PAWR: variants seen among roughly 807,000 people sequenced by gnomAD.
PAWR encodes pro-apoptotic WT1 regulator.
In PAWR, 23 loss-of-function variants were observed where a neutral mutation model predicts 32.0. That is an observed-to-expected ratio of 0.72 (90% confidence interval 0.52 to 1.02). PAWR has a LOEUF of 1.02. Ranked by LOEUF, PAWR falls within the 50% of genes least tolerant of loss-of-function variation. The pLI, the probability that PAWR is intolerant of heterozygous loss-of-function variation, is 0.00. For missense variants in PAWR, 457 were observed against 437.7 expected (o/e 1.04, Z -0.39); for synonymous variants, 226 against 187.1 (o/e 1.21, Z -1.70).
At chr12:79,615,185 C>T (rs1416667052) in intron 3 of PAWR, among the ~76,000 whole-genome samples, 2 of 152,086 alleles carry the variant, frequency 1.3e-5, no homozygotes, top group Non-Finnish European at 2.9e-5. Flanking sequence ...GCCTATATCA[C>T]TTAGTTTTAT....
At chr12:79,636,165 A>C (rs1382069799) in intron 2 of PAWR, among the ~76,000 whole-genome samples, 1 of 152,174 alleles carries the variant, frequency 6.6e-6, no homozygotes, top group Non-Finnish European at 1.5e-5. Flanking sequence ...CTATTACTAC[A>C]GCTCAAAGAT....
intron 2 of PAWR, among the ~76,000 whole-genome samples, chr12:79,677,218 A>G (rs1878214247): frequency 6.6e-6 from 1 of 152,212 alleles, no homozygotes; most frequent in Non-Finnish European, 1.5e-5. Context: ...AGACATTAAG[A>G]ATAACACATC....
intron 2 of PAWR, chr12:79,688,405 T>G (rs531688022): frequency 6.6e-6 from 1 of 151,538 alleles, no homozygotes; most frequent in East Asian, 1.9e-4. Flanking sequence ...AAAATCAAGT[T>G]GAGGAATGTA....
At chr12:79,610,314 A>G (rs543612740) in intron 4 of PAWR, among the ~76,000 whole-genome samples, 10 of 152,302 alleles carry the variant, frequency 6.6e-5, no homozygotes, top group African/African-American at 2.2e-4. Context: ...AACTGTATAT[A>G]AGCAAAGGTA....
At chr12:79,594,687 A>G (rs574057205) in intron 5 of PAWR, among the ~76,000 whole-genome samples, 6 of 151,310 alleles carry the variant, frequency 4.0e-5, no homozygotes, top group Non-Finnish European at 7.4e-5. Context: ...TAATAGACTC[A>G]ATGATTTAAC....
At chr12:79,684,437 A>G (rs955094124) in intron 2 of PAWR, among the ~76,000 whole-genome samples, 1 of 151,904 alleles carries the variant, frequency 6.6e-6, no homozygotes, top group Non-Finnish European at 1.5e-5. Context: ...ATGGCGAAAC[A>G]CCATCTCTAC....
At chr12:79,596,682 T>C (rs1366297617) in intron 4 of PAWR, 24 bp from the exon 5 acceptor site, 2 of 1,505,802 alleles carry the variant, frequency 1.3e-6, no homozygotes, top group Non-Finnish European at 1.8e-6. Context: ...AACATTTTAT[T>C]AAAATCCCTA....
intron 2 of PAWR, among the ~76,000 whole-genome samples, chr12:79,656,674 T>A (rs1389522544): frequency 6.6e-6 from 1 of 152,168 alleles, no homozygotes; most frequent in African/African-American, 2.4e-5. Context: ...TATAGATTAG[T>A]AAATTCAATA....
chr12:79,616,056 C>CAA lies in PAWR; in HGVS notation c.649-2449_649-2448dup, dbSNP rs140963642. Among the ~76,000 whole-genome samples the CAA allele has an allele frequency of 8.1e-3, 583 of 72,134 alleles. 5 individuals are homozygous for CAA. The highest frequency in any genetic ancestry group is 0.017 in the African/African-American group (465 of 27,410). 47.3% of individuals were successfully genotyped at this position (72,134 alleles called of 152,430 possible). ...TGTGCAACAGAGCAAGACCCTGTCT[C>CAA]AAAAAAAAAAAAAAAAAAAAGTTTT... On this transcript the variant is annotated intron_variant, in intron 3 of 6. Transcript: ENST00000328827.
Position 79,623,946 on chromosome 12 carries a change from G to C in PAWR, c.517-2739C>G, listed in dbSNP as rs141619327. 4.1e-3 allele frequency among the ~76,000 whole-genome samples: 619 copies of C among 152,226 alleles called. 11 individuals carry two copies. Among genetic ancestry groups the C allele is most frequent in the African/African-American group, 0.014 (588 of 41,542 alleles). The stretch of plus-strand genomic sequence containing the variant: ...AAAAGGCATTTTAAATCAAGGAGTT[G>C]CTTTAAAAGGGGGAGGAGAGGTCAA... On this transcript the variant is annotated intron_variant, in intron 2 of 6. Coordinates refer to ENST00000328827, the MANE Select transcript of PAWR (RefSeq NM_002583.4).
At position 79,585,637 on chromosome 12, in the gene PAWR, T is replaced by A. The variant is rs1873365905; in HGVS notation, c.*6970A>T. The A allele has an allele frequency of 6.6e-6, 1 of 152,568 alleles. No homozygotes were observed. Among genetic ancestry groups the A allele is most frequent in the African/African-American group, 2.4e-5 (1 of 41,458 alleles). 9.5% of individuals were successfully genotyped at this position (152,568 alleles called of 1,614,324 possible). A position where few individuals can be genotyped will look rare whatever the true frequency, so the allele number is the denominator to read the frequency against. On this transcript the variant is annotated 3_prime_UTR_variant, in exon 7 of 7. Coordinates refer to ENST00000328827, the MANE Select transcript of PAWR (RefSeq NM_002583.4). ...GCTACTGAATTACTAATGAATGTTA[T>A]TATGCTATCATAAGTTATGGTTAAA...
intron 2 of PAWR, among the ~76,000 whole-genome samples, chr12:79,632,327 A>G (rs1398497875): frequency 3.2e-4 from 12 of 37,090 alleles, no homozygotes; most frequent in African/African-American, 9.1e-4. Flanking sequence ...ATATATATAT[A>G]TATATATATA....
At chr12:79,654,092 A>G (rs1876982475) in intron 2 of PAWR, among the ~76,000 whole-genome samples, 1 of 152,244 alleles carries the variant, frequency 6.6e-6, no homozygotes, top group Non-Finnish European at 1.5e-5. Context: ...TGCTGTAAAC[A>G]TGAGAGAGGA....
At chr12:79,678,196 G>T (rs2136872926) in intron 2 of PAWR, among the ~76,000 whole-genome samples, 1 of 152,256 alleles carries the variant, frequency 6.6e-6, no homozygotes, top group South Asian at 2.1e-4. Context: ...TCCTTTTAAT[G>T]ATTTCAAATT....
chr12:79,662,191 A>G (rs1880884), intron 2 of PAWR, among the ~76,000 whole-genome samples: 28,231 of 138,484 alleles, frequency 0.2, 8,606 homozygotes, highest in African/African-American at 0.69. Flanking sequence ...CAACATACTG[A>G]GACATCTCTC....
chr12:79,676,363 T>C (rs1878165986), intron 2 of PAWR, among the ~76,000 whole-genome samples: 1 of 152,180 alleles, frequency 6.6e-6, no homozygotes, highest in Non-Finnish European at 1.5e-5. Flanking sequence ...AATCAATCTT[T>C]CAAATTATCA....
In PAWR at chr12:79,588,424, A is replaced by T. The variant is rs1337786563; in HGVS notation, c.*4183T>A. On this transcript the variant is annotated 3_prime_UTR_variant, in exon 7 of 7. Coordinates refer to ENST00000328827, the MANE Select transcript of PAWR (RefSeq NM_002583.4). ...TCTTTTCCTAATTAACATTATCTTT[A>T]AAAAATGGTAGATATTTCCCAGTAT... 7.2e-5 allele frequency: 11 copies of T among 152,020 alleles called. No homozygotes were observed. The highest frequency in any genetic ancestry group is 1.6e-4 in the Non-Finnish European group (11 of 67,888). 9.4% of individuals were successfully genotyped at this position (152,020 alleles called of 1,614,324 possible). A position where few individuals can be genotyped will look rare whatever the true frequency, so the allele number is the denominator to read the frequency against.
chr12:79,606,065 C>T (rs151009988), intron 4 of PAWR, among the ~76,000 whole-genome samples: 33 of 152,166 alleles, frequency 2.2e-4, no homozygotes, highest in African/African-American at 7.0e-4. Context: ...CAGAGTGAGA[C>T]TCTGCCTAAA....
At chr12:79,617,847 C>A (rs1261020191) in intron 3 of PAWR, among the ~76,000 whole-genome samples, 3 of 152,094 alleles carry the variant, frequency 2.0e-5, no homozygotes, top group African/African-American at 7.2e-5. Context: ...TGGTTTAGCA[C>A]CAATGAGATC....
Sources: gnomAD v4.1 joint callset for allele counts (sites outside exome capture counted in the v4.1 genomes callset) on GRCh38, gnomAD v4.1.1 for gene constraint, MANE v1.5 for transcripts, NCBI Gene and HGNC (gene_info 2026-07-23, HGNC 2026-07-21) for gene names.